The following CCL5 variants were observed in gnomAD, a reference collection of about 807,000 sequenced individuals.
CCL5 encodes C-C motif chemokine 5.
In CCL5, 5 loss-of-function variants were observed where a neutral mutation model predicts 9.0. The observed-to-expected ratio is 0.55, with a 90% CI of 0.29 to 1.16. The LOEUF (loss-of-function observed/expected upper bound fraction) is 1.16, where lower values mean the gene tolerates loss of function less well. CCL5 is among the 50% of genes most tolerant of loss of function. The pLI is 0.08. For missense variants in CCL5, 183 were observed against 183.2 expected, an observed-to-expected ratio of 1.00 and a Z score of 0.01; for synonymous variants, 66 against 72.0, an observed-to-expected ratio of 0.92 and a Z score of 0.42.
intron 3 of CCL5, 49 bp from the exon 3 acceptor site, chr17:35,872,513 G>A (rs376576620): frequency 2.0e-6 from 3 of 1,527,602 alleles, no homozygotes; most frequent in East Asian, 2.3e-5. Context: ...TCAGTACCGG[G>A]ACAGCCAGTT....
intron 2 of CCL5, among the ~76,000 whole-genome samples, chr17:35,875,843 C>G (rs919998644): frequency 6.6e-6 from 1 of 152,172 alleles, no homozygotes; most frequent in Admixed American, 6.5e-5. Context: ...CGGATGTTCT[C>G]AAAGCTGCTG....
intron 2 of CCL5, among the ~76,000 whole-genome samples, chr17:35,877,285 G>T (rs569569239): frequency 5.3e-5 from 8 of 152,256 alleles, no homozygotes; most frequent in Non-Finnish European, 2.9e-5. Context: ...TGAGGCAAGA[G>T]AATTGCTTGA....
At chr17:35,877,538 A>C (rs143107409) in intron 2 of CCL5, among the ~76,000 whole-genome samples, 1 of 152,204 alleles carries the variant, frequency 6.6e-6, no homozygotes, top group Non-Finnish European at 1.5e-5. Context: ...TTCATCCCTC[A>C]TTTACTGTGC....
In CCL5 at chr17:35,879,739, G is replaced by GT. The variant is rs879350611; in HGVS notation, c.76+490dup. 5.7e-4 allele frequency among the ~76,000 whole-genome samples: 84 copies of GT among 148,232 alleles called. 1 individual carries two copies. Among genetic ancestry groups the GT allele is most frequent in the Non-Finnish European group, 7.0e-4 (47 of 67,052 alleles). ...TATTATCCTCTCCTTGTTTTTATTTGTTTTTTAAATGTATTCACTCTAATA... is the reference window on the plus strand; with the variant it reads ...TATTATCCTCTCCTTGTTTTTATTTGTTTTTTTAAATGTATTCACTCTAATA... On this transcript the variant is annotated intron_variant, in intron 1 of 3. Transcript: ENST00000651122.
chr17:35,878,697 A>G, intron 1 of CCL5, 58 bp from the exon 2 acceptor site: 1 of 962,760 alleles, frequency 1.0e-6, no homozygotes, highest in Non-Finnish European at 1.6e-6. Context: ...CACACTTGAC[A>G]TTGTGCTGGA....
intron 3 of CCL5, among the ~76,000 whole-genome samples, chr17:35,872,690 C>T (rs1419354889): frequency 6.6e-6 from 1 of 152,140 alleles, no homozygotes; most frequent in Non-Finnish European, 1.5e-5. Context: ...GCATTTTAAT[C>T]GCCTTCACAC....
rs2088366712 is a variant in CCL5, at chr17:35,871,780, C to T, written c.*490G>A. On this transcript the variant is annotated 3_prime_UTR_variant, in exon 4 of 4. Coordinates refer to ENST00000651122, the MANE Select transcript of CCL5 (RefSeq NM_001278736.2). Reference sequence around the variant, plus strand: ...TTGTTGTGACGGAGTCTCACTTTGTCACCCAGGCTGGAGTGAAGTGGCACA... The same window carrying T: ...TTGTTGTGACGGAGTCTCACTTTGTTACCCAGGCTGGAGTGAAGTGGCACA... 6.6e-6 allele frequency: 1 copy of T among 152,322 alleles called. No homozygotes were observed. Among genetic ancestry groups the T allele is most frequent in the Non-Finnish European group, 1.5e-5 (1 of 68,148 alleles). The allele number at this position is 152,322 out of a possible 1,614,324, so 9.4% of individuals were successfully genotyped here.
rs181824835 is a variant in CCL5 at position 35,872,301 on chromosome 17, G to C, written c.434C>G (p.Ser145Cys). 61 of 1,598,488 alleles carry C rather than the reference G, an allele frequency of 3.8e-5. No individual in the cohort carries two copies. The African/African-American group carries it at 6.2e-4, about 16-fold the overall frequency. Residue 145 changes from serine (S) to cysteine (C), a missense_variant, in exon 4 of 4, where the codon TCC becomes TGC. Physicochemically the swap from Ser to Cys is moderately radical, Grantham distance 112. Coordinates refer to ENST00000651122, the MANE Select transcript of CCL5 (RefSeq NM_001278736.2). ...AGCGGGTGGGGTAGGATAGTGAGGG[G>C]AAGCCTCCCAAGCTAGGACAAGAGC...
At chr17:35,877,669 A>T (rs2088458010) in intron 2 of CCL5, among the ~76,000 whole-genome samples, 1 of 152,238 alleles carries the variant, frequency 6.6e-6, no homozygotes, top group Admixed American at 6.5e-5. Context: ...AAGACATTTG[A>T]CACATAGTAG....
At chr17:35,875,029 C>G (rs1414052544) in intron 3 of CCL5, among the ~76,000 whole-genome samples, 2 of 146,824 alleles carry the variant, frequency 1.4e-5, no homozygotes, top group Non-Finnish European at 3.0e-5. Context: ...TTTGTGATTA[C>G]TATCACATTA....
At chr17:35,875,299 A>G (rs1190544845) in intron 3 of CCL5, among the ~76,000 whole-genome samples, 1 of 152,106 alleles carries the variant, frequency 6.6e-6, no homozygotes, top group Non-Finnish European at 1.5e-5. Flanking sequence ...CATCGTAACC[A>G]TTTTTGGATG....
Position 35,878,573 on chromosome 17 carries a change from T to C in CCL5, c.143A>G (p.Lys48Arg), listed in dbSNP as rs375858276. 3.8e-5 allele frequency: 62 copies of C among 1,613,810 alleles called. No individual in the cohort carries two copies. The highest frequency in any genetic ancestry group is 5.3e-5 in the African/African-American group (4 of 74,858). ...CTTGCCACTGGTGTAGAAATACTCC[T>C]TGATGTGGGCACGGGGCAGTGGGCG... Residue 48 changes from lysine (K) to arginine (R), a missense_variant, in exon 2 of 4, where the codon AAG becomes AGG. Physicochemically the swap from Lys to Arg is conservative, Grantham distance 26. Coordinates refer to ENST00000651122, the MANE Select transcript of CCL5 (RefSeq NM_001278736.2).
At chr17:35,876,249 G>C (rs941571132) in intron 2 of CCL5, among the ~76,000 whole-genome samples, 1 of 152,098 alleles carries the variant, frequency 6.6e-6, no homozygotes, top group African/African-American at 2.4e-5. Context: ...ACCAAGGCAG[G>C]CTGCATTGCC....
At chr17:35,876,520 T>A (rs576455352) in intron 2 of CCL5, among the ~76,000 whole-genome samples, 1 of 152,178 alleles carries the variant, frequency 6.6e-6, no homozygotes, top group Non-Finnish European at 1.5e-5. Flanking sequence ...TGAGCTCAAA[T>A]CACCTGCTAG....
chr17:35,878,737 G>A (rs141593926), intron 1 of CCL5, 98 bp from the exon 2 acceptor site: 4 of 722,264 alleles, frequency 5.5e-6, no homozygotes, highest in Non-Finnish European at 9.4e-6. Flanking sequence ...AGAAAGAACT[G>A]TTATCTTCCT....
intron 3 of CCL5, among the ~76,000 whole-genome samples, chr17:35,874,507 C>T (rs1430418347): frequency 3.3e-5 from 5 of 152,112 alleles, no homozygotes; most frequent in Non-Finnish European, 5.9e-5. Flanking sequence ...TACCACGTTG[C>T]CCAGGTTGGT....
intron 3 of CCL5, among the ~76,000 whole-genome samples, chr17:35,874,849 A>G (rs1454763117): frequency 6.6e-6 from 1 of 152,096 alleles, no homozygotes; most frequent in East Asian, 1.9e-4. Context: ...CTGACCTCAG[A>G]TGACCACCCG....
In CCL5 at chr17:35,879,470, TA is replaced by T. The variant is rs1200751599; in HGVS notation, c.76+759del. On this transcript the variant is annotated intron_variant, in intron 1 of 3. Transcript: ENST00000651122. The stretch of plus-strand genomic sequence containing the variant: ...TAACATGGTGAAACCCCGTCTCTAC[TA>T]AAAAATACAAAACATTAGCAGGGTG... Among the ~76,000 whole-genome samples the T allele has an allele frequency of 5.9e-5, 9 of 151,822 alleles. No individual in the cohort carries two copies. In the East Asian group the frequency reaches 1.7e-3, roughly 29 times the overall value.
intron 3 of CCL5, among the ~76,000 whole-genome samples, chr17:35,873,348 T>C (rs1950375180): frequency 6.6e-6 from 1 of 151,884 alleles, no homozygotes; most frequent in Non-Finnish European, 1.5e-5. Flanking sequence ...CCACCACGCC[T>C]GGCTAATTTT....
Sources: allele counts gnomAD v4.1 joint callset (sites outside exome capture counted in the v4.1 genomes callset), GRCh38; gene constraint gnomAD v4.1.1; transcripts MANE v1.5; gene names NCBI Gene and HGNC (gene_info 2026-07-23, HGNC 2026-07-21).